WASF2: variants seen among roughly 807,000 people sequenced by gnomAD.
The protein encoded by WASF2 is WASP family member 2.
Under a neutral mutation model 45.0 loss-of-function variants are expected in WASF2, and 14 were observed. The ratio of observed to expected loss-of-function variants is 0.31; its 90% CI spans 0.21 to 0.49. The LOEUF (loss-of-function observed/expected upper bound fraction) is 0.49, where lower values mean the gene tolerates loss of function less well. Among genes scored for constraint, WASF2 ranks in the 20% least tolerant of loss-of-function variants. The pLI, the probability that WASF2 is intolerant of heterozygous loss-of-function variation, is 0.99. For missense variants in WASF2, 439 were observed against 636.1 expected (o/e 0.69, Z 3.33); for synonymous variants, 200 against 236.3 (o/e 0.85, Z 1.41).
chr1:27,473,015 G>GC (rs1318055323), intron 1 of WASF2, among the ~76,000 whole-genome samples: 1 of 149,658 alleles, frequency 6.7e-6, no homozygotes, highest in Non-Finnish European at 1.5e-5. Flanking sequence ...AAAAAATTGT[G>GC]CTTTATAGGG....
At chr1:27,449,243 T>C (rs897775405) in intron 1 of WASF2, among the ~76,000 whole-genome samples, 4 of 152,214 alleles carry the variant, frequency 2.6e-5, no homozygotes, top group Admixed American at 6.5e-5. Flanking sequence ...CTGAGGCTGC[T>C]ATGAGTCATC....
At chr1:27,456,182 C>T (rs1430393955) in intron 1 of WASF2, among the ~76,000 whole-genome samples, 10 of 151,860 alleles carry the variant, frequency 6.6e-5, no homozygotes, top group South Asian at 2.1e-4. Context: ...ATTAGCCAGG[C>T]GTGGTGGCGG....
rs1172135400 is a variant in WASF2 at position 27,430,577 on chromosome 1, G to T, written c.-43-1644C>A. 2.0e-5 allele frequency among the ~76,000 whole-genome samples: 3 copies of T among 151,508 alleles called. 1 individual carries two copies. The highest frequency in any genetic ancestry group is 7.3e-5 in the African/African-American group (3 of 41,224). On this transcript the variant is annotated intron_variant, in intron 1 of 8. Coordinates refer to ENST00000618852, the MANE Select transcript of WASF2 (RefSeq NM_006990.5). ...AGGTTTTGCCATGTAGCCCAGACTT[G>T]TCTCGAACTCCTGAGCTCAGCCTCC...
At chr1:27,431,259 C>T (rs1227572647) in intron 1 of WASF2, among the ~76,000 whole-genome samples, 1 of 152,200 alleles carries the variant, frequency 6.6e-6, no homozygotes, top group Non-Finnish European at 1.5e-5. Context: ...TGAATTCCCC[C>T]TTTGACCCCA....
intron 1 of WASF2, among the ~76,000 whole-genome samples, chr1:27,483,906 G>C (rs2148146637): frequency 6.6e-6 from 1 of 152,074 alleles, no homozygotes. Context: ...CAGTGAGTGA[G>C]CTGTGATACT....
intron 1 of WASF2, among the ~76,000 whole-genome samples, chr1:27,487,042 T>A (rs914025150): frequency 1.4e-5 from 2 of 141,340 alleles, no homozygotes; most frequent in Admixed American, 7.0e-5. Flanking sequence ...TATAATCTGT[T>A]ACATATATTA....
At chr1:27,441,428 G>A (rs896277522) in intron 1 of WASF2, among the ~76,000 whole-genome samples, 3 of 150,878 alleles carry the variant, frequency 2.0e-5, no homozygotes, top group African/African-American at 7.3e-5. Flanking sequence ...AGGAATTCGA[G>A]ACCAGCTTGG....
In WASF2 at chr1:27,410,149, C is replaced by T. The variant is rs2016742982; in HGVS notation, c.882G>A (p.Val294=). The T allele has an allele frequency of 1.2e-6, 2 of 1,613,960 alleles. No individual in the cohort carries two copies. The highest frequency in any genetic ancestry group is 1.7e-6 in the Non-Finnish European group (2 of 1,179,982). Residue 294 remains valine, a synonymous_variant, in exon 8 of 9, where the codon GTG becomes GTA. Transcript: ENST00000618852. This position sits in a 1 kb window ranked among gnomAD's most constrained non-coding sequence, Gnocchi z 4.2. ...CTGGTGGTGGATGGCTTGGGCTGACCACACTGGATCTTTTGGGTCCAGCCA... is the reference window on the plus strand; with the variant it reads ...CTGGTGGTGGATGGCTTGGGCTGACTACACTGGATCTTTTGGGTCCAGCCA... The part of the protein sequence containing the change: ...SGLAGPKRSS[V]VSPSHPPPAP...
Position 27,410,162 on chromosome 1 carries a change from T to C in WASF2, c.869A>G (p.Lys290Arg), listed in dbSNP as rs768776610. Residue 290 changes from lysine (K) to arginine (R), a missense_variant, in exon 8 of 9, where the codon AAA becomes AGA. Lys to Arg is a conservative substitution (Grantham distance 26). Around this residue, in one of 5 missense-constraint regions of WASF2, gnomAD observed 286 missense variants for 373.5 expected, o/e 0.77. Transcript: ENST00000618852. The surrounding 1 kb of genome is among the most constrained non-coding windows in gnomAD (Gnocchi z 4.2). ...GCTTGGGCTGACCACACTGGATCTTTTGGGTCCAGCCAAACCAGATCCTCT... is the reference window on the plus strand; with the variant it reads ...GCTTGGGCTGACCACACTGGATCTTCTGGGTCCAGCCAAACCAGATCCTCT... The part of the protein sequence containing the change: ...NQRGSGLAGP[K>R]RSSVVSPSHP... The C allele has an allele frequency of 5.6e-6, 9 of 1,613,872 alleles. No homozygotes were observed. The East Asian group carries it at 1.1e-4, about 20-fold the overall frequency.
intron 1 of WASF2, among the ~76,000 whole-genome samples, chr1:27,449,356 G>A (rs1214066466): frequency 6.6e-6 from 1 of 152,132 alleles, no homozygotes; most frequent in Non-Finnish European, 1.5e-5. Flanking sequence ...CCAGCACTTT[G>A]GGAGGCCAAG....
chr1:27,428,702 CTAAA>C, intron 2 of WASF2, 55 bp downstream of exon 2: 1 of 1,612,904 alleles, frequency 6.2e-7, no homozygotes, highest in South Asian at 1.1e-5. Flanking sequence ...GAGAAGGAAA[CTAAA>C]TAAAGAGCAC....
chr1:27,479,739 C>A (rs188518994), intron 1 of WASF2, among the ~76,000 whole-genome samples: 2 of 152,112 alleles, frequency 1.3e-5, no homozygotes, highest in Non-Finnish European at 2.9e-5. Flanking sequence ...GTGGCACATG[C>A]CTATAATCCT....
intron 6 of WASF2, among the ~76,000 whole-genome samples, chr1:27,413,450 CCT>C (rs1400582502): frequency 1.3e-5 from 2 of 152,158 alleles, no homozygotes; most frequent in African/African-American, 2.4e-5. Flanking sequence ...TCCACCTCCC[CCT>C]CTTTCCACCA....
intron 1 of WASF2, among the ~76,000 whole-genome samples, chr1:27,433,759 T>A (rs1015918140): frequency 1.3e-4 from 20 of 152,364 alleles, no homozygotes; most frequent in African/African-American, 4.6e-4. Flanking sequence ...TCTTTAGTTT[T>A]ATACAGTTAT....
rs2016646451 is a variant in WASF2 at position 27,405,106 on chromosome 1, A to C, written c.*3083T>G. 6.6e-6 allele frequency: 1 copy of C among 152,490 alleles called. No homozygotes were observed. The highest frequency in any genetic ancestry group is 2.4e-5 in the African/African-American group (1 of 41,454). 9.4% of individuals were successfully genotyped at this position (152,490 alleles called of 1,614,324 possible). A position where few individuals can be genotyped will look rare whatever the true frequency, so the allele number is the denominator to read the frequency against. ...CAATCTGTCCAAGCTGGCACTGCAG[A>C]GTCAGAGGATGGGCGCCACGGGAAG... is the stretch of plus-strand genomic sequence containing the variant. On this transcript the variant is annotated 3_prime_UTR_variant, in exon 9 of 9. Coordinates refer to ENST00000618852, the MANE Select transcript of WASF2 (RefSeq NM_006990.5).
At chr1:27,449,960 A>G (rs2017362268) in intron 1 of WASF2, among the ~76,000 whole-genome samples, 1 of 152,184 alleles carries the variant, frequency 6.6e-6, no homozygotes, top group South Asian at 2.1e-4. Flanking sequence ...CCTGGCCAGC[A>G]TGGTGAAATC....
intron 4 of WASF2, among the ~76,000 whole-genome samples, chr1:27,416,797 GT>G (rs375002490): frequency 2.6e-5 from 4 of 152,226 alleles, no homozygotes; most frequent in African/African-American, 9.6e-5. Flanking sequence ...GTGGGACAGA[GT>G]AAACTACTTA....
intron 1 of WASF2, among the ~76,000 whole-genome samples, chr1:27,467,685 G>A (rs1000774182): frequency 1.3e-5 from 2 of 151,468 alleles, no homozygotes; most frequent in African/African-American, 4.8e-5. Flanking sequence ...GGCCGAGGTG[G>A]GCGGATCACG....
At chr1:27,441,995 A>C (rs2017243788) in intron 1 of WASF2, among the ~76,000 whole-genome samples, 1 of 151,510 alleles carries the variant, frequency 6.6e-6, no homozygotes, top group Admixed American at 6.6e-5. Flanking sequence ...AGTCCCAGCT[A>C]CTCAGGAGGC....
Sources: gnomAD v4.1 joint callset for allele counts (sites outside exome capture counted in the v4.1 genomes callset) on GRCh38, gnomAD v4.1.1 for gene constraint, gnomAD v4.1.1 regional missense constraint, Gnocchi (gnomAD v3.1) non-coding constraint, MANE v1.5 for transcripts, NCBI Gene and HGNC (gene_info 2026-07-23, HGNC 2026-07-21) for gene names.